The following DNAI3 variants were observed in gnomAD, a reference collection of about 807,000 sequenced individuals.
The protein encoded by DNAI3 is dynein axonemal intermediate chain 3.
DNAI3 carries 83 observed loss-of-function variants against 115.5 expected under a neutral mutation model. The ratio of observed to expected loss-of-function variants is 0.72; its 90% CI spans 0.60 to 0.86. DNAI3 has a LOEUF of 0.86. DNAI3 is among the 40% of genes least tolerant of loss of function. The probability of loss-of-function intolerance (pLI) is 0.00; values close to 1 mark genes in which losing one functional copy is unlikely to be tolerated. For synonymous variants in DNAI3, 320 were observed against 347.0 expected (o/e 0.92, Z 0.86); for missense variants, 1,004 against 1,075.8 (o/e 0.93, Z 0.93).
rs941373981 is a variant in DNAI3 at position 85,071,408 on chromosome 1, G to A, written c.-14-520G>A. ...ACTTTTGGAGGCATTCTCTCTGATAGGCCAAATAAGGCCTTAGTGGTTTTG... is the reference window on the plus strand; with the variant it reads ...ACTTTTGGAGGCATTCTCTCTGATAAGCCAAATAAGGCCTTAGTGGTTTTG... On this transcript the variant is annotated intron_variant, in intron 1 of 22. Transcript: ENST00000294664. Among the ~76,000 whole-genome samples, 3 of 152,178 alleles carry A rather than the reference G, an allele frequency of 2.0e-5. No individual in the cohort carries two copies. In the East Asian group the frequency reaches 5.8e-4, roughly 29 times the overall value.
chr1:85,085,705 C>T, intron 6 of DNAI3, 126 bp from the exon 7 acceptor site: 1 of 739,740 alleles, frequency 1.4e-6, no homozygotes, highest in Non-Finnish European at 2.2e-6. Flanking sequence ...GAATGGAAAG[C>T]ATGCAGAGCT....
intron 1 of DNAI3, among the ~76,000 whole-genome samples, chr1:85,064,380 A>G (rs1162435878): frequency 6.6e-6 from 1 of 152,234 alleles, no homozygotes; most frequent in Admixed American, 6.5e-5. Flanking sequence ...GAAGGAAACA[A>G]GAGTATAGAC....
intron 20 of DNAI3, among the ~76,000 whole-genome samples, chr1:85,127,323 G>A (rs758014699): frequency 9.2e-5 from 14 of 152,158 alleles, no homozygotes; most frequent in Non-Finnish European, 1.9e-4. Flanking sequence ...TGTGTCTATA[G>A]AAACATGATG....
rs755953396 is a variant in DNAI3 at position 85,096,181 on chromosome 1, G to T, written c.1263+161G>T. The stretch of plus-strand genomic sequence containing the variant: ...ACCAGGAAGCAGGGTATAGAGACGT[G>T]TTACACACGGTATCAGCTCCTGAGG... On this transcript the variant is annotated intron_variant, in intron 11 of 22. Coordinates refer to ENST00000294664, the MANE Select transcript of DNAI3 (RefSeq NM_145172.5). Among the ~76,000 whole-genome samples, 7 of 152,252 alleles carry T rather than the reference G, an allele frequency of 4.6e-5. No homozygotes were observed. The East Asian group carries it at 1.3e-3, about 29-fold the overall frequency.
At chr1:85,079,134 A>G (rs1654549352) in intron 3 of DNAI3, among the ~76,000 whole-genome samples, 1 of 152,224 alleles carries the variant, frequency 6.6e-6, no homozygotes, top group Non-Finnish European at 1.5e-5. Context: ...AGACAAAACT[A>G]CAGAACTTTT....
chr1:85,128,931 G>A, intron 21 of DNAI3, 132 bp downstream of exon 21: 2 of 755,268 alleles, frequency 2.6e-6, no homozygotes, highest in South Asian at 3.5e-5. Context: ...TAAATAAGAG[G>A]ATGTATTTCT....
At chr1:85,072,779 C>T (rs1013244660) in intron 2 of DNAI3, among the ~76,000 whole-genome samples, 3 of 151,198 alleles carry the variant, frequency 2.0e-5, no homozygotes, top group African/African-American at 7.3e-5. Context: ...CACGGTGAAA[C>T]CCCGTCTCTA....
chr1:85,096,264 G>A (rs956111945), intron 11 of DNAI3, among the ~76,000 whole-genome samples: 2 of 151,894 alleles, frequency 1.3e-5, no homozygotes, highest in Admixed American at 6.5e-5. Flanking sequence ...ATCTATTTGT[G>A]TTGCTGGGAC....
At chr1:85,118,867 T>A (rs1157972116) in intron 17 of DNAI3, among the ~76,000 whole-genome samples, 1 of 151,730 alleles carries the variant, frequency 6.6e-6, no homozygotes, top group East Asian at 1.9e-4. Context: ...AAGGTCAGGT[T>A]GAGAGTAGAA....
intron 17 of DNAI3, among the ~76,000 whole-genome samples, chr1:85,119,635 ATCTC>A (rs1406958282): frequency 6.6e-6 from 1 of 152,020 alleles, no homozygotes; most frequent in East Asian, 1.9e-4. Flanking sequence ...TCCCCTGCCT[ATCTC>A]TCTGCCTTAT....
chr1:85,084,252 A>ATG (rs1654722656), intron 5 of DNAI3, among the ~76,000 whole-genome samples: 3 of 15,726 alleles, frequency 1.9e-4, no homozygotes, highest in Admixed American at 9.4e-4. Context: ...AGCAGTGTGT[A>ATG]TATATATATA....
intron 5 of DNAI3, among the ~76,000 whole-genome samples, chr1:85,083,937 T>A (rs1654708271): frequency 6.6e-6 from 1 of 151,870 alleles, no homozygotes; most frequent in South Asian, 2.1e-4. Context: ...GTGTCATTTT[T>A]ATACTCAGTC....
In DNAI3 at chr1:85,109,914, A is replaced by G. The variant is rs1655601518; in HGVS notation, c.1699-134A>G. ...AGGAAAGAAACTAGAAATTTGAGGG[A>G]GGAAAGGGAAGGAAGAAAAAAAAGG... is the stretch of plus-strand genomic sequence containing the variant. On this transcript the variant is annotated intron_variant, in intron 15 of 22. Transcript: ENST00000294664. 6.8e-6 allele frequency: 5 copies of G among 731,400 alleles called. No homozygotes were observed. In the Admixed American group the frequency reaches 1.3e-4, roughly 19 times the overall value. 45.3% of individuals were successfully genotyped at this position (731,400 alleles called of 1,614,324 possible).
intron 21 of DNAI3, 94 bp downstream of exon 21, chr1:85,128,893 T>A (rs774678826): frequency 2.7e-6 from 3 of 1,123,038 alleles, no homozygotes; most frequent in Non-Finnish European, 3.9e-6. Context: ...GCATTTTTGC[T>A]CTGTAAGGGA....
intron 12 of DNAI3, 33 bp downstream of exon 12, chr1:85,097,688 T>A (rs1376293502): frequency 6.3e-7 from 1 of 1,581,636 alleles, no homozygotes; most frequent in African/African-American, 1.4e-5. Context: ...CTTGCAAGTT[T>A]TTTCCATTGA....
intron 13 of DNAI3, among the ~76,000 whole-genome samples, chr1:85,102,398 T>C (rs964235299): frequency 2.0e-5 from 3 of 152,040 alleles, no homozygotes; most frequent in African/African-American, 7.2e-5. Flanking sequence ...GGAAAATATT[T>C]GTACCAAATA....
chr1:85,117,980 A>C, intron 17 of DNAI3, 121 bp downstream of exon 17: 1 of 1,224,402 alleles, frequency 8.2e-7, no homozygotes, highest in East Asian at 2.6e-5. Flanking sequence ...TTCATATTTT[A>C]GTATGCTTGT....
chr1:85,120,851 A>AATC (rs1225578386), intron 17 of DNAI3, among the ~76,000 whole-genome samples: 6 of 152,214 alleles, frequency 3.9e-5, no homozygotes, highest in Non-Finnish European at 7.3e-5. Context: ...AACACAGATG[A>AATC]ATAAAAGCTC....
intron 13 of DNAI3, chr1:85,099,343 G>A: frequency 1.1e-6 from 1 of 929,608 alleles, no homozygotes; most frequent in Non-Finnish European, 1.3e-6. Context: ...ATAACAGACA[G>A]AGAGCCAAAT....
Sources: allele counts gnomAD v4.1 joint callset (sites outside exome capture counted in the v4.1 genomes callset), GRCh38; gene constraint gnomAD v4.1.1; transcripts MANE v1.5; gene names NCBI Gene and HGNC (gene_info 2026-07-23, HGNC 2026-07-21).